PTPRD: variants seen among roughly 807,000 people sequenced by gnomAD.
PTPRD encodes receptor-type tyrosine-protein phosphatase delta.
A neutral mutation model predicts 214.5 loss-of-function variants in PTPRD; 34 were observed. That is an observed-to-expected ratio of 0.16 (90% confidence interval 0.12 to 0.21). The LOEUF (loss-of-function observed/expected upper bound fraction) is 0.21, where lower values mean the gene tolerates loss of function less well. PTPRD is among the 10% of genes least tolerant of loss of function. The probability of loss-of-function intolerance (pLI) is 1.00; values close to 1 mark genes in which losing one functional copy is unlikely to be tolerated. For synonymous variants in PTPRD, 1,128 were observed against 845.7 expected (o/e 1.33, Z -5.79); for missense variants, 2,545 against 2,398.7 (o/e 1.06, Z -1.27).
intron 7 of PTPRD, among the ~76,000 whole-genome samples, chr9:9,610,090 T>C (rs930651634): frequency 2.0e-5 from 3 of 152,028 alleles, no homozygotes; most frequent in Non-Finnish European, 2.9e-5. Flanking sequence ...ACTACTGACA[T>C]AGAAATAAAG....
chr9:9,666,554 A>G (rs2096725996), intron 7 of PTPRD, among the ~76,000 whole-genome samples: 1 of 152,018 alleles, frequency 6.6e-6, no homozygotes, highest in Admixed American at 6.6e-5. Context: ...ACAATAATAA[A>G]ACAATAATCA....
intron 10 of PTPRD, among the ~76,000 whole-genome samples, chr9:9,127,324 G>T (rs965808406): frequency 6.6e-6 from 1 of 152,174 alleles, no homozygotes; most frequent in Non-Finnish European, 1.5e-5. Context: ...TGAACAAAAT[G>T]ACATGATTTG....
chr9:9,587,216 AATAATT>A (rs1330401722), intron 7 of PTPRD, among the ~76,000 whole-genome samples: 9 of 152,020 alleles, frequency 5.9e-5, no homozygotes, highest in African/African-American at 1.2e-4. Context: ...AGGCCTAAAT[AATAATT>A]ATAATTGTTA....
intron 10 of PTPRD, among the ~76,000 whole-genome samples, chr9:9,166,838 C>T (rs2099905226): frequency 6.6e-6 from 1 of 152,080 alleles, no homozygotes; most frequent in African/African-American, 2.4e-5. Context: ...AAAAGACAAC[C>T]TACCTATAGT....
chr9:10,164,136 T>C (rs2099145010), intron 3 of PTPRD, among the ~76,000 whole-genome samples: 1 of 151,396 alleles, frequency 6.6e-6, no homozygotes, highest in African/African-American at 2.4e-5. Context: ...TGCATAAAAA[T>C]ACCTGCACTA....
At chr9:9,942,934 T>C (rs1820005142) in intron 4 of PTPRD, among the ~76,000 whole-genome samples, 1 of 151,814 alleles carries the variant, frequency 6.6e-6, no homozygotes, top group African/African-American at 2.4e-5. Context: ...CAAGCTTTTC[T>C]TGCAATCCCA....
intron 8 of PTPRD, among the ~76,000 whole-genome samples, chr9:9,525,246 T>C (rs1372911736): frequency 1.3e-5 from 2 of 152,286 alleles, no homozygotes; most frequent in Middle Eastern, 3.4e-3. Flanking sequence ...CTTTGACATT[T>C]CATAGTCCTG....
chr9:9,627,260 T>C (rs908794312), intron 7 of PTPRD, among the ~76,000 whole-genome samples: 1 of 152,186 alleles, frequency 6.6e-6, no homozygotes, highest in Admixed American at 6.5e-5. Flanking sequence ...TGAGCCGAGA[T>C]TGGGCCACTT....
At chr9:10,512,267 G>A (rs1188135187) in intron 2 of PTPRD, among the ~76,000 whole-genome samples, 1 of 151,868 alleles carries the variant, frequency 6.6e-6, no homozygotes, top group Non-Finnish European at 1.5e-5. Flanking sequence ...GTAATGAAAT[G>A]TCACAAATAG....
chr9:8,397,048 A>C (rs1351846172), intron 36 of PTPRD, among the ~76,000 whole-genome samples: 1 of 152,196 alleles, frequency 6.6e-6, no homozygotes, highest in Admixed American at 6.5e-5. Context: ...TATCAGCCTA[A>C]ATCAATGATT....
chr9:9,181,984 G>A (rs950198901), intron 10 of PTPRD, among the ~76,000 whole-genome samples: 1 of 152,020 alleles, frequency 6.6e-6, no homozygotes, highest in African/African-American at 2.4e-5. Flanking sequence ...AGCAGAATGA[G>A]TAGTATTTTA....
chr9:8,934,393 ATGTG>A lies in PTPRD; in HGVS notation c.-104+84300_-104+84303del, dbSNP rs756848411. ...GAGGTGTAATTGACAAATACTAATT[ATGTG>A]TGTGTGTGTGTGTGTGTGTGTGTGT... On this transcript the variant is annotated intron_variant, in intron 11 of 45. Transcript: ENST00000381196. Among the ~76,000 whole-genome samples, 139 of 48,160 alleles carry A rather than the reference ATGTG, an allele frequency of 2.9e-3. 3 individuals are homozygous for A. The highest frequency in any genetic ancestry group is 7.3e-3 in the African/African-American group (92 of 12,542). 31.6% of individuals were successfully genotyped at this position (48,160 alleles called of 152,430 possible). A position where few individuals can be genotyped will look rare whatever the true frequency, so the allele number is the denominator to read the frequency against.
intron 11 of PTPRD, among the ~76,000 whole-genome samples, chr9:8,746,024 C>T (rs1208433408): frequency 6.6e-6 from 1 of 152,082 alleles, no homozygotes; most frequent in African/African-American, 2.4e-5. Context: ...AACTCCTGGA[C>T]TCAAAACAAT....
At chr9:9,746,228 A>C (rs1034406069) in intron 6 of PTPRD, among the ~76,000 whole-genome samples, 2 of 152,170 alleles carry the variant, frequency 1.3e-5, no homozygotes, top group Admixed American at 6.6e-5. Flanking sequence ...AGCACATATA[A>C]AATAAAAGAG....
intron 7 of PTPRD, among the ~76,000 whole-genome samples, chr9:9,651,238 C>T (rs1385345238): frequency 1.3e-5 from 2 of 152,098 alleles, no homozygotes; most frequent in African/African-American, 2.4e-5. Flanking sequence ...ACACCAATAA[C>T]ATCTTTTTTT....
At chr9:8,749,817 T>A (rs2093335892) in intron 11 of PTPRD, among the ~76,000 whole-genome samples, 1 of 152,020 alleles carries the variant, frequency 6.6e-6, no homozygotes, top group South Asian at 2.1e-4. Context: ...GACAGCAAGG[T>A]CCGGCTGGGT....
At chr9:10,591,760 T>C (rs189783140) in intron 2 of PTPRD, among the ~76,000 whole-genome samples, 28 of 152,192 alleles carry the variant, frequency 1.8e-4, no homozygotes, top group African/African-American at 6.5e-4. Flanking sequence ...TCAATTCTCC[T>C]GAGGTCATAA....
chr9:10,448,751 AT>A (rs1475645054), intron 2 of PTPRD, among the ~76,000 whole-genome samples: 2 of 151,972 alleles, frequency 1.3e-5, no homozygotes, highest in Non-Finnish European at 2.9e-5. Context: ...AAGAGTCTTT[AT>A]CTGTTCTCCC....
intron 35 of PTPRD, among the ~76,000 whole-genome samples, chr9:8,433,316 A>G (rs373788777): frequency 6.6e-6 from 1 of 152,220 alleles, no homozygotes; most frequent in South Asian, 2.1e-4. Context: ...GGTACAGTAC[A>G]TAATATTTAA....
Sources: gnomAD v4.1 joint callset for allele counts (sites outside exome capture counted in the v4.1 genomes callset) on GRCh38, gnomAD v4.1.1 for gene constraint, MANE v1.5 for transcripts, NCBI Gene and HGNC (gene_info 2026-07-23, HGNC 2026-07-21) for gene names.